Variants in TENM2 observed in about 807,000 individuals in gnomAD.
TENM2 encodes teneurin transmembrane protein 2.
A neutral mutation model predicts 245.2 loss-of-function variants in TENM2; 52 were observed. That is an observed-to-expected ratio of 0.21 (90% CI 0.17 to 0.27). The LOEUF is 0.27. Ranked by LOEUF, TENM2 falls within the 10% of genes least tolerant of loss-of-function variation. The probability of loss-of-function intolerance (pLI) is 1.00; values close to 1 mark genes in which losing one functional copy is unlikely to be tolerated. For missense variants in TENM2, 3,046 were observed against 3,666.8 expected, an observed-to-expected ratio of 0.83 and a Z score of 4.37; for synonymous variants, 1,363 against 1,438.9, an observed-to-expected ratio of 0.95 and a Z score of 1.19.
intron 7 of TENM2, among the ~76,000 whole-genome samples, chr5:168,062,910 G>A (rs1426585212): frequency 1.3e-5 from 2 of 152,188 alleles, no homozygotes; most frequent in Non-Finnish European, 2.9e-5. Context: ...GGTAGTGATA[G>A]TAATGGCCTG....
the TENM2 span, among the ~76,000 whole-genome samples, chr5:167,208,468 AAAAT>A: frequency 6.6e-6 from 1 of 152,330 alleles, no homozygotes; most frequent in Admixed American, 6.5e-5. Context: ...GAAGTGCTAT[AAAAT>A]AAATAAGTCA....
At chr5:167,077,317 A>T in the TENM2 span, among the ~76,000 whole-genome samples, 1 of 152,058 alleles carries the variant, frequency 6.6e-6, no homozygotes, top group African/African-American at 2.4e-5. Context: ...TATATGTCAT[A>T]TACCATTTTT....
chr5:167,493,215 A>T (rs1768554625), intron 2 of TENM2, among the ~76,000 whole-genome samples: 1 of 152,000 alleles, frequency 6.6e-6, no homozygotes, highest in South Asian at 2.1e-4. Context: ...GAGTTCAAGG[A>T]TGCGGTAAGC....
chr5:167,475,532 G>T (rs1251655623), intron 2 of TENM2, among the ~76,000 whole-genome samples: 2 of 152,016 alleles, frequency 1.3e-5, no homozygotes, highest in Non-Finnish European at 2.9e-5. Flanking sequence ...GAACGTGCGG[G>T]TTTGTTACAC....
chr5:168,081,375 A>G (rs1305937005), intron 7 of TENM2, among the ~76,000 whole-genome samples: 1 of 151,528 alleles, frequency 6.6e-6, no homozygotes, highest in Non-Finnish European at 1.5e-5. Context: ...ATGGGTCTTG[A>G]CTCTATCCAA....
chr5:167,560,390 G>A (rs924441162), intron 2 of TENM2, among the ~76,000 whole-genome samples: 4 of 151,892 alleles, frequency 2.6e-5, no homozygotes, highest in African/African-American at 9.7e-5. Flanking sequence ...GATCTGTTTA[G>A]CATGTAGGTG....
intron 2 of TENM2, among the ~76,000 whole-genome samples, chr5:167,727,457 T>C (rs1298556661): frequency 1.3e-5 from 2 of 152,266 alleles, no homozygotes; most frequent in Admixed American, 6.5e-5. Context: ...TTGTGTCAGC[T>C]CCCCTAGGCA....
intron 2 of TENM2, among the ~76,000 whole-genome samples, chr5:167,665,535 T>C (rs933856392): frequency 1.3e-5 from 2 of 152,164 alleles, no homozygotes; most frequent in Non-Finnish European, 2.9e-5. Context: ...AGGAAACAAT[T>C]GTTAAAATAT....
At chr5:167,641,627 A>T (rs575709435) in intron 2 of TENM2, among the ~76,000 whole-genome samples, 123 of 152,338 alleles carry the variant, frequency 8.1e-4, no homozygotes, top group Non-Finnish European at 1.4e-3. Context: ...GTTACTGAGC[A>T]TCAAAATCAA....
intron 2 of TENM2, among the ~76,000 whole-genome samples, chr5:167,394,336 A>G (rs1561920558): frequency 1.3e-5 from 2 of 152,118 alleles, no homozygotes; most frequent in African/African-American, 4.8e-5. Context: ...AATCTTTTTC[A>G]CATGTGACTG....
chr5:168,055,361 A>C (rs926845598), intron 6 of TENM2, among the ~76,000 whole-genome samples: 3 of 152,238 alleles, frequency 2.0e-5, no homozygotes, highest in African/African-American at 7.2e-5. Context: ...AAATAAATAA[A>C]ATCTGGCTGC....
At chr5:167,776,559 C>T (rs1265746146) in intron 2 of TENM2, among the ~76,000 whole-genome samples, 1 of 122,674 alleles carries the variant, frequency 8.2e-6, no homozygotes, top group Non-Finnish European at 1.6e-5. Context: ...CGCACCACTG[C>T]ACTCCAGCTT....
In TENM2 at chr5:168,118,199, C is replaced by A. The variant is rs150806603; in HGVS notation, c.1814-93C>A. ...CCAGCCTAGAACACTGTAAGCCAAG[C>A]CCCAAGGCCAGACAGCTCTACCTCC... is the stretch of plus-strand genomic sequence containing the variant. On this transcript the variant is annotated intron_variant, in intron 9 of 28. Transcript: ENST00000518659. The A allele has an allele frequency of 4.6e-6, 5 of 1,086,184 alleles. No homozygotes were observed. The African/African-American group carries it at 4.7e-5, about 10-fold the overall frequency. 67.3% of individuals were successfully genotyped at this position (1,086,184 alleles called of 1,614,324 possible). A position where few individuals can be genotyped will look rare whatever the true frequency, so the allele number is the denominator to read the frequency against.
intron 5 of TENM2, among the ~76,000 whole-genome samples, chr5:167,999,673 G>T (rs190674096): frequency 6.6e-6 from 1 of 152,326 alleles, no homozygotes; most frequent in Admixed American, 6.5e-5. Flanking sequence ...CAATCTGGGG[G>T]ACTTGAAGTG....
intron 2 of TENM2, chr5:167,821,256 G>A (rs1468182739): frequency 6.6e-6 from 1 of 152,180 alleles, no homozygotes; most frequent in African/African-American, 2.4e-5. Flanking sequence ...AATTTATTTA[G>A]TTTGCCTCAC....
chr5:167,823,812 A>G (rs1199410164), intron 2 of TENM2, among the ~76,000 whole-genome samples: 3 of 152,088 alleles, frequency 2.0e-5, no homozygotes, highest in African/African-American at 7.2e-5. Context: ...TAGTTGAAGA[A>G]TTTTCTAATT....
chr5:168,220,482 C>G (rs1388291716), intron 23 of TENM2, among the ~76,000 whole-genome samples: 2 of 152,170 alleles, frequency 1.3e-5, no homozygotes, highest in African/African-American at 2.4e-5. Flanking sequence ...TTAAAATGTT[C>G]AGAAGTTACA....
At chr5:168,214,235 G>A (rs1302983805) in intron 20 of TENM2, among the ~76,000 whole-genome samples, 1 of 152,202 alleles carries the variant, frequency 6.6e-6, no homozygotes, top group East Asian at 1.9e-4. Context: ...ACACAGGGCA[G>A]CCAGACACAT....
Position 167,457,324 on chromosome 5 carries a change from T to C in TENM2, c.502+81851T>C, listed in dbSNP as rs183745972. On this transcript the variant is annotated intron_variant, in intron 2 of 28. Coordinates refer to ENST00000518659, the Ensembl canonical transcript of TENM2. ...TTTATTTTATTTTATTTTATTTTAT[T>C]TTATTTTATTTTATTTTATTTTATT... Among the ~76,000 whole-genome samples, 169 of 149,172 alleles carry C rather than the reference T, an allele frequency of 1.1e-3. 1 individual carries two copies. Among genetic ancestry groups the C allele is most frequent in the East Asian group, 1.4e-3 (7 of 5,072 alleles).
Sources: gnomAD v4.1 joint callset for allele counts (sites outside exome capture counted in the v4.1 genomes callset) on GRCh38, gnomAD v4.1.1 for gene constraint, MANE v1.5 for transcripts, NCBI Gene and HGNC (gene_info 2026-07-23, HGNC 2026-07-21) for gene names.